The following SOX6 variants were observed in gnomAD, a reference collection of about 807,000 sequenced individuals.
SOX6 encodes transcription factor SOX-6.
SOX6 carries 11 observed loss-of-function variants against 97.8 expected under a neutral mutation model. That is an observed-to-expected ratio of 0.11 (90% CI 0.07 to 0.19). The LOEUF (loss-of-function observed/expected upper bound fraction) is 0.19. Among genes scored for constraint, SOX6 ranks in the 10% least tolerant of loss-of-function variants. The pLI is 1.00. For synonymous variants in SOX6, 360 were observed against 371.4 expected (o/e 0.97, Z 0.35); for missense variants, 810 against 1,039.5 (o/e 0.78, Z 3.04).
chr11:16,103,362 A>G (rs186620945), intron 7 of SOX6, among the ~76,000 whole-genome samples: 2 of 151,746 alleles, frequency 1.3e-5, no homozygotes, highest in South Asian at 4.1e-4. Context: ...TAATAAAAAA[A>G]AAATAAATAA....
intron 3 of SOX6, among the ~76,000 whole-genome samples, chr11:16,711,882 C>T (rs1044605402): frequency 3.3e-5 from 5 of 152,020 alleles, no homozygotes; most frequent in East Asian, 1.9e-4. Flanking sequence ...CACACTTCCC[C>T]GCAAATCCCC....
chr11:16,409,162 A>G (rs561991511), intron 1 of SOX6, among the ~76,000 whole-genome samples: 4 of 152,234 alleles, frequency 2.6e-5, no homozygotes, highest in African/African-American at 9.6e-5. Flanking sequence ...GGCCTGCCAA[A>G]AAGTAGTGAA....
chr11:16,454,888 T>G (rs756808841), intron 1 of SOX6, among the ~76,000 whole-genome samples: 2 of 152,100 alleles, frequency 1.3e-5, no homozygotes, highest in Non-Finnish European at 2.9e-5. Flanking sequence ...TTATAGACCT[T>G]ATGCATGATT....
intron 1 of SOX6, among the ~76,000 whole-genome samples, chr11:16,475,519 G>C (rs536639606): frequency 7.6e-4 from 115 of 152,300 alleles, no homozygotes; most frequent in African/African-American, 2.6e-3. Context: ...AGGGATGGAA[G>C]AACAGCCAGT....
At chr11:16,212,769 G>C (rs1253485121) in intron 4 of SOX6, among the ~76,000 whole-genome samples, 10 of 152,032 alleles carry the variant, frequency 6.6e-5, no homozygotes. Flanking sequence ...ATGCAAAATG[G>C]CGTCTTATTT....
chr11:16,318,967 T>G (rs1855830024), intron 2 of SOX6, among the ~76,000 whole-genome samples: 2 of 152,172 alleles, frequency 1.3e-5, no homozygotes, highest in African/African-American at 4.8e-5. Flanking sequence ...CCCTTACTCA[T>G]TTACACCTTT....
At chr11:16,137,668 T>C (rs1303804162) in intron 6 of SOX6, among the ~76,000 whole-genome samples, 1 of 152,202 alleles carries the variant, frequency 6.6e-6, no homozygotes, top group Non-Finnish European at 1.5e-5. Context: ...ATATGGAAAT[T>C]ATCTGACAAA....
At chr11:16,316,634 A>C (rs1240988958) in intron 3 of SOX6, 1 of 152,108 alleles carries the variant, frequency 6.6e-6, no homozygotes, top group African/African-American at 2.4e-5. Flanking sequence ...AAAATTCCCT[A>C]GTAGTTCAGG....
At chr11:16,443,179 C>T (rs1859539104) in intron 1 of SOX6, among the ~76,000 whole-genome samples, 3 of 152,126 alleles carry the variant, frequency 2.0e-5, no homozygotes, top group Admixed American at 1.3e-4. Flanking sequence ...GAAGCTTCCC[C>T]CCAGTTCTTC....
intron 4 of SOX6, chr11:16,484,445 A>T: frequency 1.3e-6 from 1 of 797,476 alleles, no homozygotes; most frequent in Non-Finnish European, 2.3e-6. Flanking sequence ...CAGCTTACTG[A>T]CAATGAAGAG....
At chr11:16,446,835 T>C (rs1441020575) in intron 1 of SOX6, among the ~76,000 whole-genome samples, 1 of 152,114 alleles carries the variant, frequency 6.6e-6, no homozygotes, top group Non-Finnish European at 1.5e-5. Context: ...ATTAAAAGAA[T>C]AGTAAGTTTT....
chr11:16,140,241 GC>G (rs1850095194), intron 6 of SOX6, among the ~76,000 whole-genome samples: 1 of 152,066 alleles, frequency 6.6e-6, no homozygotes, highest in Non-Finnish European at 1.5e-5. Context: ...CCACTGAGCT[GC>G]CACCCAACTC....
intron 4 of SOX6, among the ~76,000 whole-genome samples, chr11:16,589,850 A>C (rs1317593252): frequency 6.6e-6 from 1 of 152,228 alleles, no homozygotes; most frequent in East Asian, 1.9e-4. Flanking sequence ...GTTTAAAATC[A>C]TACAATGCTC....
At position 16,305,361 on chromosome 11, in the gene SOX6, A is replaced by G. The variant is rs191170993; in HGVS notation, c.445+13085T>C. On this transcript the variant is annotated intron_variant, in intron 3 of 15. Coordinates refer to ENST00000683767, the MANE Select transcript of SOX6 (RefSeq NM_001367873.1). The stretch of plus-strand genomic sequence containing the variant: ...AAATGCTAATTAACCCTACAATAAG[A>G]TATCAGTACACACCTATAAGAACAG... Among the ~76,000 whole-genome samples, 133 of 152,344 alleles carry G rather than the reference A, an allele frequency of 8.7e-4. 1 individual carries two copies. The Middle Eastern group carries it at 0.01, about 12-fold the overall frequency.
intron 13 of SOX6, among the ~76,000 whole-genome samples, chr11:16,007,313 T>A (rs1024832225): frequency 6.6e-6 from 1 of 152,250 alleles, no homozygotes; most frequent in Non-Finnish European, 1.5e-5. Flanking sequence ...TTGTGTAATT[T>A]GTTTAAACAT....
intron 4 of SOX6, among the ~76,000 whole-genome samples, chr11:16,230,152 T>C (rs1009184930): frequency 5.9e-5 from 9 of 151,808 alleles, no homozygotes; most frequent in Non-Finnish European, 7.4e-5. Flanking sequence ...CCTAGTAGAC[T>C]AGAACAATAT....
chr11:16,487,851 G>T (rs1425871109), intron 4 of SOX6, among the ~76,000 whole-genome samples: 1 of 152,130 alleles, frequency 6.6e-6, no homozygotes, highest in Non-Finnish European at 1.5e-5. Context: ...ATGGAGCTCT[G>T]TAATTTAAAA....
At chr11:16,057,630 G>T (rs753728935) in intron 9 of SOX6, among the ~76,000 whole-genome samples, 19 of 152,042 alleles carry the variant, frequency 1.2e-4, no homozygotes, top group Non-Finnish European at 2.4e-4. Context: ...TGGTGTCCTT[G>T]TTTCCCGAGT....
intron 3 of SOX6, among the ~76,000 whole-genome samples, chr11:16,303,648 G>T (rs113122331): frequency 3.2e-4 from 49 of 152,188 alleles, no homozygotes; most frequent in African/African-American, 1.2e-3. Flanking sequence ...GTTTGTCTAG[G>T]TATATGAAAG....
Sources: gnomAD v4.1 joint callset for allele counts (sites outside exome capture counted in the v4.1 genomes callset) on GRCh38, gnomAD v4.1.1 for gene constraint, MANE v1.5 for transcripts, NCBI Gene and HGNC (gene_info 2026-07-23, HGNC 2026-07-21) for gene names.